Variants in HERC1 observed in about 807,000 individuals in gnomAD.
The protein encoded by HERC1 is probable E3 ubiquitin-protein ligase HERC1.
Under a neutral mutation model 554.3 loss-of-function variants are expected in HERC1, and 160 were observed. That is an observed-to-expected ratio of 0.29 (90% CI 0.25 to 0.33). HERC1 has a LOEUF of 0.33. Ranked by LOEUF, HERC1 falls within the 10% of genes least tolerant of loss-of-function variation. The probability of loss-of-function intolerance (pLI) is 1.00; values close to 1 mark genes in which losing one functional copy is unlikely to be tolerated. For missense variants in HERC1, 4,919 were observed against 5,918.5 expected, an observed-to-expected ratio of 0.83 and a Z score of 5.54; for synonymous variants, 2,175 against 2,131.7, an observed-to-expected ratio of 1.02 and a Z score of -0.56.
chr15:63,818,114 A>C (rs988701701), intron 1 of HERC1, among the ~76,000 whole-genome samples: 1 of 152,152 alleles, frequency 6.6e-6, no homozygotes, highest in Non-Finnish European at 1.5e-5. Flanking sequence ...GTCTGTTAAC[A>C]ATATCTAACC....
chr15:63,695,163 G>C (rs992557546), intron 27 of HERC1, among the ~76,000 whole-genome samples: 1 of 151,750 alleles, frequency 6.6e-6, no homozygotes, highest in Non-Finnish European at 1.5e-5. Context: ...AGCCTCCCAA[G>C]TAGCTGGGAC....
chr15:63,805,822 G>A (rs2077120400), intron 1 of HERC1, among the ~76,000 whole-genome samples: 1 of 151,640 alleles, frequency 6.6e-6, no homozygotes, highest in Non-Finnish European at 1.5e-5. Context: ...ACGCTTCTGT[G>A]GTCCTAGCTA....
rs1039930216 is a variant in HERC1 at position 63,775,073 on chromosome 15, G to C, written c.551C>G (p.Pro184Arg). 1.9e-6 allele frequency: 3 copies of C among 1,613,902 alleles called. No individual in the cohort carries two copies. Among genetic ancestry groups the C allele is most frequent in the African/African-American group, 2.7e-5 (2 of 74,926 alleles). The change falls in exon 2 of 78, where the codon CCT (proline) becomes CGT (arginine). Residue 184 changes from proline to arginine, a missense_variant. This residue lies in a region of HERC1 where 744 missense variants were observed against 1,090.0 expected (regional missense o/e 0.68). Transcript: ENST00000443617. The surrounding 1 kb of genome is among the most constrained non-coding windows in gnomAD (Gnocchi z 4.0). ...GACATCGTTGCAAAGACTGAGACCA[G>C]GTCCTGACACAGGCATCATCCAACT... is the stretch of plus-strand genomic sequence containing the variant. Reference protein sequence around the residue: ...RQSWMMPVSGPGLSLCNDVIH... With the variant: ...RQSWMMPVSGRGLSLCNDVIH...
At position 63,666,148 on chromosome 15, in the gene HERC1, C is replaced by T. The variant is rs2070622745; in HGVS notation, c.8326G>A (p.Ala2776Thr). ...QIAKAMEATG[A>T]RGEADAQNIT... ...TTCTGGGCATCAGCCTCTCCCCTAG[C>T]ACCTATACAGGGGAAAAACAGTCTG... is the stretch of plus-strand genomic sequence containing the variant. The change falls in exon 42 of 78, where the codon GCT becomes ACT. Residue 2776 changes from alanine to threonine, a missense_variant and splice_region_variant. Coordinates refer to ENST00000443617, the MANE Select transcript of HERC1 (RefSeq NM_003922.4). 3 of 1,608,042 alleles carry T rather than the reference C, an allele frequency of 1.9e-6. No individual in the cohort carries two copies. Among genetic ancestry groups the T allele is most frequent in the Admixed American group, 1.7e-5 (1 of 58,914 alleles).
At position 63,756,855 on chromosome 15, in the gene HERC1, C is replaced by T. The variant is rs777357311; in HGVS notation, c.1222-107G>A. ...TCAAAGGAAGTCTTTTAGCAGGATACGGCATGATTCTCCAGAGAGATTAAG... is the reference window on the plus strand; with the variant it reads ...TCAAAGGAAGTCTTTTAGCAGGATATGGCATGATTCTCCAGAGAGATTAAG... On this transcript the variant is annotated intron_variant, in intron 4 of 77. Coordinates refer to ENST00000443617, the MANE Select transcript of HERC1 (RefSeq NM_003922.4). The surrounding 1 kb of genome is among the most constrained non-coding windows in gnomAD (Gnocchi z 5.0). 30 of 661,594 alleles carry T rather than the reference C, an allele frequency of 4.5e-5. 1 individual carries two copies. The South Asian group carries it at 5.1e-4, about 11-fold the overall frequency. The allele number at this position is 661,594 out of a possible 1,614,324, so 41.0% of individuals were successfully genotyped here. A position where few individuals can be genotyped will look rare whatever the true frequency, so the allele number is the denominator to read the frequency against.
chr15:63,773,384 C>A (rs1172662602), intron 2 of HERC1, among the ~76,000 whole-genome samples: 2 of 138,968 alleles, frequency 1.4e-5, no homozygotes, highest in Non-Finnish European at 3.0e-5. Flanking sequence ...GCAGAGGTTG[C>A]AGTGAGTGGA....
In HERC1 at chr15:63,638,752, T is replaced by A. The variant is rs748781821; in HGVS notation, c.11926A>T (p.Met3976Leu). 1.2e-6 allele frequency: 2 copies of A among 1,613,700 alleles called. No individual in the cohort carries two copies. The highest frequency in any genetic ancestry group is 4.5e-5 in the East Asian group (2 of 44,886). ...GCCCAAGACATAATTTGTTCATCCA[T>A]GCCGTTAATCCATTTACTGTTATCC... ...LMDNSKWING[M>L]DEQIMSWATS... Residue 3976 changes from methionine to leucine, a missense_variant, in exon 62 of 78, where the codon ATG (methionine) becomes TTG (leucine). Physicochemically the swap from Met to Leu is conservative, Grantham distance 15. This residue lies in a region of HERC1 where 1,963 missense variants were observed against 2,228.6 expected (regional missense o/e 0.88). Transcript: ENST00000443617.
chr15:63,739,195 C>CTTTTTTTTTTT (rs1205943240), intron 12 of HERC1, among the ~76,000 whole-genome samples: 1 of 102,274 alleles, frequency 9.8e-6, no homozygotes, highest in African/African-American at 3.6e-5. Flanking sequence ...CACTAATATA[C>CTTTTTTTTTTT]TTTTTTTTTT....
chr15:63,623,993 C>T (rs1211687480), intron 72 of HERC1, 103 bp from the exon 73 acceptor site: 7 of 1,369,446 alleles, frequency 5.1e-6, no homozygotes, highest in Non-Finnish European at 7.1e-6. Flanking sequence ...GTTTAACAGG[C>T]AAGCACTGTG....
In HERC1 at chr15:63,718,877, T is replaced by C; in HGVS notation, c.3763A>G (p.Ser1255Gly). The C allele has an allele frequency of 6.2e-7, 1 of 1,611,020 alleles. No homozygotes were observed. The highest frequency in any genetic ancestry group is 8.5e-7 in the Non-Finnish European group (1 of 1,177,688). The change falls in exon 20 of 78, where the codon AGT (serine) becomes GGT (glycine). Residue 1255 changes from serine (S) to glycine (G), a missense_variant. Coordinates refer to ENST00000443617, the MANE Select transcript of HERC1 (RefSeq NM_003922.4). The surrounding 1 kb of genome is among the most constrained non-coding windows in gnomAD (Gnocchi z 4.2). ...VSKDWDSATLSNESLLDTVSR... is the reference protein window; with the variant it reads ...VSKDWDSATLGNESLLDTVSR... Reference sequence around the variant, plus strand: ...ACAGTGTCCAAGAGTGACTCATTACTTAAAGTTGCACTGTCCCAATCTGAA... The same window carrying C: ...ACAGTGTCCAAGAGTGACTCATTACCTAAAGTTGCACTGTCCCAATCTGAA...
chr15:63,802,269 T>G (rs55724483), intron 1 of HERC1, among the ~76,000 whole-genome samples: 4,695 of 152,290 alleles, frequency 0.031, 99 homozygotes, highest in African/African-American at 0.065. Flanking sequence ...AAAATTGAAC[T>G]CCTGCTAAAA....
Position 63,725,412 on chromosome 15 carries a change from C to T in HERC1, c.3448G>A (p.Gly1150Arg). The change falls in exon 18 of 78, where the codon GGG becomes AGG. Residue 1150 changes from glycine to arginine, a missense_variant. This residue lies in a region of HERC1 where 1,121 missense variants were observed against 1,244.0 expected (regional missense o/e 0.90). Transcript: ENST00000443617. ...DLERTIALLI[G>R]RCLGGMLQGS... ...TGAAGCATGCCACCAAGACACCGCCCAATAAGGAGAGCAATTGTTCTTTCT... is the reference window on the plus strand; with the variant it reads ...TGAAGCATGCCACCAAGACACCGCCTAATAAGGAGAGCAATTGTTCTTTCT... 3 of 1,613,894 alleles carry T rather than the reference C, an allele frequency of 1.9e-6. No homozygotes were observed. Among genetic ancestry groups the T allele is most frequent in the Non-Finnish European group, 2.5e-6 (3 of 1,179,854 alleles).
chr15:63,744,156 GTGTGTGTGTCTCTCTC>G (rs1465038150), intron 12 of HERC1, among the ~76,000 whole-genome samples: 117 of 41,362 alleles, frequency 2.8e-3, no homozygotes, highest in African/African-American at 8.2e-3. Flanking sequence ...GTGTGTGTGT[GTGTGTGTGTCTCTCTC>G]TCTCTCTCTC....
intron 5 of HERC1, among the ~76,000 whole-genome samples, chr15:63,755,843 G>A (rs191114850): frequency 2.3e-4 from 35 of 152,160 alleles, no homozygotes; most frequent in African/African-American, 6.3e-4. Context: ...GAGAAGATAT[G>A]AGCTCAGTTT....
rs1471589993 is a variant in HERC1 at position 63,645,652 on chromosome 15, T to G, written c.10909A>C (p.Thr3637Pro). The G allele has an allele frequency of 6.2e-7, 1 of 1,603,060 alleles. No individual in the cohort carries two copies. The highest frequency in any genetic ancestry group is 1.3e-5 in the African/African-American group (1 of 74,588). Reference protein sequence around the residue: ...DTLISMKWDPTGHILMTCAKE... With the variant: ...DTLISMKWDPPGHILMTCAKE... ...GCACATGTCATAAGAATATGACCTGTAGGGTCCCACTTCATGCTAATAAGA... is the reference window on the plus strand; with the variant it reads ...GCACATGTCATAAGAATATGACCTGGAGGGTCCCACTTCATGCTAATAAGA... The change falls in exon 56 of 78, where the codon ACA (threonine) becomes CCA (proline). Residue 3637 changes from threonine (T) to proline (P), a missense_variant. Coordinates refer to ENST00000443617, the MANE Select transcript of HERC1 (RefSeq NM_003922.4).
At position 63,669,564 on chromosome 15, in the gene HERC1, T is replaced by C. The variant is rs2070799933; in HGVS notation, c.8180A>G (p.Gln2727Arg). 6.2e-7 allele frequency: 1 copy of C among 1,613,718 alleles called. No homozygotes were observed. The highest frequency in any genetic ancestry group is 1.3e-5 in the African/African-American group (1 of 74,936). ...TGTGCGGTTAGCTGGCCTTGCTGAC[T>C]GGGAATCAGGAGAAGTTAAACTTTG... Reference protein sequence around the residue: ...RRQSLTSPDSQSARPANRTAL... With the variant: ...RRQSLTSPDSRSARPANRTAL... The change falls in exon 40 of 78, where the codon CAG (glutamine) becomes CGG (arginine). Residue 2727 changes from glutamine (Q) to arginine (R), a missense_variant. Physicochemically the swap from Gln to Arg is conservative, Grantham distance 43. This residue lies in a region of HERC1 where 1,963 missense variants were observed against 2,228.6 expected (regional missense o/e 0.88). Coordinates refer to ENST00000443617, the MANE Select transcript of HERC1 (RefSeq NM_003922.4).
rs148285303 is a variant in HERC1, at chr15:63,818,142, G to A, written c.-27+15685C>T. On this transcript the variant is annotated intron_variant, in intron 1 of 77. Transcript: ENST00000443617. ...ATCTAACCAATTTATAGCTCTCTGT[G>A]AAAAAAAGTGTTTAAGTATTATTTA... 1.6e-3 allele frequency among the ~76,000 whole-genome samples: 238 copies of A among 151,668 alleles called. 1 individual carries two copies. Among genetic ancestry groups the A allele is most frequent in the African/African-American group, 5.5e-3 (229 of 41,412 alleles).
chr15:63,765,483 G>A (rs528104985), intron 2 of HERC1, among the ~76,000 whole-genome samples: 7 of 152,084 alleles, frequency 4.6e-5, no homozygotes, highest in Admixed American at 1.3e-4. Context: ...TCCATCCAGC[G>A]TTAACATCAA....
At chr15:63,645,785 A>G (rs898834165) in intron 55 of HERC1, 103 bp from the exon 56 acceptor site, 6 of 688,830 alleles carry the variant, frequency 8.7e-6, no homozygotes, top group Non-Finnish European at 1.4e-5. Flanking sequence ...CTATATTTCT[A>G]TAACTCATTT....
Sources: gnomAD v4.1 joint callset for allele counts (sites outside exome capture counted in the v4.1 genomes callset) on GRCh38, gnomAD v4.1.1 for gene constraint, gnomAD v4.1.1 regional missense constraint, Gnocchi (gnomAD v3.1) non-coding constraint, MANE v1.5 for transcripts, NCBI Gene and HGNC (gene_info 2026-07-23, HGNC 2026-07-21) for gene names.